ARVCF: variants seen among roughly 807,000 people sequenced by gnomAD.
The protein encoded by ARVCF is splicing regulator ARVCF.
ARVCF carries 66 observed loss-of-function variants against 90.9 expected under a neutral mutation model. The ratio of observed to expected loss-of-function variants is 0.73; its 90% CI spans 0.60 to 0.89. ARVCF has a LOEUF of 0.89. ARVCF is among the 40% of genes least tolerant of loss of function. The pLI is 0.00. For missense variants in ARVCF, 1,469 were observed against 1,382.3 expected (o/e 1.06, Z -1.00); for synonymous variants, 653 against 603.4 (o/e 1.08, Z -1.21).
At chr22:20,009,972 A>G (rs1944766754) in intron 2 of ARVCF, among the ~76,000 whole-genome samples, 1 of 152,232 alleles carries the variant, frequency 6.6e-6, no homozygotes, top group Non-Finnish European at 1.5e-5. Flanking sequence ...TGAATTACTT[A>G]CTATCAGACC....
rs1943477448 is a variant in ARVCF at position 19,981,262 on chromosome 22, T to C, written c.845A>G (p.Tyr282Cys). 6.4e-7 allele frequency: 1 copy of C among 1,567,206 alleles called. No individual in the cohort carries two copies. Among genetic ancestry groups the C allele is most frequent in the South Asian group, 1.2e-5 (1 of 85,316 alleles). Residue 282 changes from tyrosine (Y) to cysteine (C), a missense_variant, in exon 5 of 20, where the codon TAT becomes TGT. Transcript: ENST00000263207. ...AGGCCTCCTCCTTGTGGCCGTGCCA[T>C]AGTCAGGCTCCAGCTCAGGGCCACC... is the stretch of plus-strand genomic sequence containing the variant. ...DEGGPELEPD[Y>C]GTATRRRPEC...
At position 19,981,367 on chromosome 22, in the gene ARVCF, C is replaced by A; in HGVS notation, c.740G>T (p.Gly247Val). 6.2e-7 allele frequency: 1 copy of A among 1,603,784 alleles called. No homozygotes were observed. The change falls in exon 5 of 20, where the codon GGC becomes GTC. Residue 247 changes from glycine to valine, a missense_variant. Coordinates refer to ENST00000263207, the MANE Select transcript of ARVCF (RefSeq NM_001670.3). Reference protein sequence around the residue: ...PVGPEPGPPGGRSLPERFQAE... With the variant: ...PVGPEPGPPGVRSLPERFQAE... ...CTGGAAGCGCTCGGGCAGGGAGCGG[C>A]CACCTGGTGGCCCAGGCTCAGGACC...
chr22:19,985,459 G>C (rs1943716412), intron 3 of ARVCF, among the ~76,000 whole-genome samples: 2 of 152,366 alleles, frequency 1.3e-5, no homozygotes, highest in South Asian at 2.1e-4. Flanking sequence ...GGGAACACAG[G>C]GCTGAGCCCA....
chr22:19,976,787 C>T (rs1943181235), intron 9 of ARVCF, 64 bp from the exon 10 acceptor site: 5 of 1,538,504 alleles, frequency 3.2e-6, no homozygotes, highest in African/African-American at 1.4e-5. Context: ...CTCATCACCC[C>T]CCCATGCCCT....
intron 2 of ARVCF, among the ~76,000 whole-genome samples, chr22:20,004,404 C>T (rs1480718426): frequency 6.6e-6 from 1 of 151,718 alleles, no homozygotes; most frequent in Non-Finnish European, 1.5e-5. Context: ...TAAAGAACTG[C>T]TTGAACCCAG....
chr22:19,965,527 A>C (rs1418730990), downstream of ARVCF: 1 of 152,078 alleles, frequency 6.6e-6, no homozygotes, highest in Non-Finnish European at 1.5e-5. Context: ...AGTTTAGTAG[A>C]GATGGGGTTT....
At chr22:19,989,024 C>T (rs562704756) in intron 3 of ARVCF, among the ~76,000 whole-genome samples, 6 of 152,284 alleles carry the variant, frequency 3.9e-5, no homozygotes, top group South Asian at 2.1e-4. Context: ...ACTGCCTGTC[C>T]GAGGACAGTT....
chr22:19,968,098 G>A (rs978072346), downstream of ARVCF, among the ~76,000 whole-genome samples: 1 of 152,182 alleles, frequency 6.6e-6, no homozygotes, highest in Non-Finnish European at 1.5e-5. Flanking sequence ...CAGCCCTGCA[G>A]GGTCACCCTG....
At chr22:20,015,605 C>T (rs909667623) in intron 1 of ARVCF, among the ~76,000 whole-genome samples, 1 of 152,162 alleles carries the variant, frequency 6.6e-6, no homozygotes, top group Admixed American at 6.5e-5. Flanking sequence ...GAAGTAAAGG[C>T]AGCTACCCCA....
downstream of ARVCF, chr22:19,968,947 T>C: frequency 1.7e-6 from 1 of 572,172 alleles, no homozygotes; most frequent in South Asian, 2.0e-5. Flanking sequence ...TTACTAACAC[T>C]GGCTAGCTAT....
chr22:19,996,905 A>T (rs1197414981), intron 2 of ARVCF, among the ~76,000 whole-genome samples: 2 of 152,204 alleles, frequency 1.3e-5, no homozygotes, highest in African/African-American at 4.8e-5. Flanking sequence ...GGTTGGGTAG[A>T]GGGACAGAGA....
intron 16 of ARVCF, 22 bp downstream of exon 16, chr22:19,972,715 C>G (rs75475026): frequency 1.3e-6 from 2 of 1,588,102 alleles, no homozygotes; most frequent in Admixed American, 1.8e-5. Context: ...ACCCTCTAGG[C>G]TCCCTAAGCT....
At chr22:19,998,199 A>G (rs944860027) in intron 2 of ARVCF, among the ~76,000 whole-genome samples, 3 of 152,208 alleles carry the variant, frequency 2.0e-5, no homozygotes, top group Non-Finnish European at 4.4e-5. Context: ...CACGCTGGCC[A>G]CCAGCCTGAG....
In ARVCF at chr22:19,970,427, C is replaced by A; in HGVS notation, c.*329G>T. 1 of 1,077,390 alleles carries A rather than the reference C, an allele frequency of 9.3e-7. No individual in the cohort carries two copies. The highest frequency in any genetic ancestry group is 4.9e-5 in the Admixed American group (1 of 20,582). The allele number at this position is 1,077,390 out of a possible 1,614,324, so 66.7% of individuals were successfully genotyped here. ...GGGGCACCCTCCTATCCCACCAGCC[C>A]CAAAGCCCAGCCAGGCACCCTTCCC... On this transcript the variant is annotated 3_prime_UTR_variant, in exon 20 of 20. Coordinates refer to ENST00000263207, the MANE Select transcript of ARVCF (RefSeq NM_001670.3).
chr22:19,978,765 G>T, intron 7 of ARVCF, 132 bp downstream of exon 7: 2 of 1,130,664 alleles, frequency 1.8e-6, no homozygotes, highest in African/African-American at 1.6e-5. Context: ...CTCATCCACA[G>T]GACTTGTGCC....
At chr22:19,972,628 A>C in intron 16 of ARVCF, 109 bp downstream of exon 16, 1 of 1,279,854 alleles carries the variant, frequency 7.8e-7, no homozygotes, top group Non-Finnish European at 1.1e-6. Context: ...TGGCCTATGG[A>C]AGCCGTCTCA....
At chr22:19,999,333 C>T (rs1944363733) in intron 2 of ARVCF, among the ~76,000 whole-genome samples, 2 of 152,142 alleles carry the variant, frequency 1.3e-5, no homozygotes, top group South Asian at 2.1e-4. Context: ...GATCACTGGC[C>T]CCCTGCGGCA....
At position 19,981,660 on chromosome 22, in the gene ARVCF, C is replaced by T. The variant is rs746801259; in HGVS notation, c.447G>A (p.Leu149=). The change falls in exon 5 of 20, where the codon CTG becomes CTA. Residue 149 remains leucine, a synonymous_variant. Coordinates refer to ENST00000263207, the MANE Select transcript of ARVCF (RefSeq NM_001670.3). Reference sequence around the variant, plus strand: ...AAGGGCCTAGTGGGGGGCCGCCATCCAGCAGGGGGAGTCCATCTGGGCCCA... The same window carrying T: ...AAGGGCCTAGTGGGGGGCCGCCATCTAGCAGGGGGAGTCCATCTGGGCCCA... The part of the protein sequence containing the change: ...VPVGPDGLPL[L]DGGPPLGPFA... The T allele has an allele frequency of 6.2e-7, 1 of 1,608,908 alleles. No homozygotes were observed. The highest frequency in any genetic ancestry group is 1.7e-5 in the Admixed American group (1 of 59,606).
At chr22:20,012,690 C>T (rs1030695038) in intron 1 of ARVCF, among the ~76,000 whole-genome samples, 1 of 152,274 alleles carries the variant, frequency 6.6e-6, no homozygotes, top group African/African-American at 2.4e-5. Flanking sequence ...TGTCCAGACC[C>T]GATGGCTGGC....
Sources: allele counts gnomAD v4.1 joint callset (sites outside exome capture counted in the v4.1 genomes callset), GRCh38; gene constraint gnomAD v4.1.1; transcripts MANE v1.5; gene names NCBI Gene and HGNC (gene_info 2026-07-23, HGNC 2026-07-21).